Variants in FAM89A observed in about 807,000 individuals in gnomAD.
FAM89A encodes the protein protein FAM89A.
In FAM89A, 10 loss-of-function variants were observed where a neutral mutation model predicts 7.1. The observed-to-expected ratio is 1.40, with a 90% CI of 0.86 to 2.38. The LOEUF (loss-of-function observed/expected upper bound fraction) is 2.38, where lower values mean the gene tolerates loss of function less well. FAM89A is among the 30% of genes most tolerant of loss of function. The probability of loss-of-function intolerance (pLI) is 0.00; values close to 1 mark genes in which losing one functional copy is unlikely to be tolerated. For synonymous variants in FAM89A, 157 were observed against 129.3 expected (o/e 1.21, Z -1.45); for missense variants, 276 against 262.8 (o/e 1.05, Z -0.35).
chr1:231,027,609 C>A (rs1296669919), intron 1 of FAM89A, among the ~76,000 whole-genome samples: 2 of 152,186 alleles, frequency 1.3e-5, no homozygotes. Flanking sequence ...GACTTCCTAG[C>A]CCGGGCCCCT....
At chr1:231,021,832 A>G in intron 1 of FAM89A, 1 of 1,600,144 alleles carries the variant, frequency 6.2e-7, no homozygotes. Flanking sequence ...ACAAAAGAAG[A>G]AGACCAAGGA....
chr1:231,024,520 G>GCACACACACACACACACA (rs3220109), intron 1 of FAM89A, among the ~76,000 whole-genome samples: 6,949 of 144,388 alleles, frequency 0.048, 241 homozygotes, highest in East Asian at 0.082. Flanking sequence ...TACATTGCAT[G>GCACACACACACACACACA]CACACACACA....
chr1:231,040,215 G>A lies in FAM89A; in HGVS notation c.-4C>T. The A allele has an allele frequency of 9.5e-7, 1 of 1,055,392 alleles. No homozygotes were observed. The allele number at this position is 1,055,392 out of a possible 1,614,324, so 65.4% of individuals were successfully genotyped here. On this transcript the variant is annotated 5_prime_UTR_variant, in exon 1 of 2. Coordinates refer to ENST00000366654, the MANE Select transcript of FAM89A (RefSeq NM_198552.3). ...GCGCCGCCCGGGCCCCACTCATCGC[G>A]CCGCGGCCCGGCCACGCGCCTGCCC...
intron 1 of FAM89A, among the ~76,000 whole-genome samples, chr1:231,023,848 A>C (rs540915666): frequency 6.6e-6 from 1 of 152,320 alleles, no homozygotes; most frequent in Non-Finnish European, 1.5e-5. Context: ...GGAATGTCAC[A>C]ATGCCCAGAC....
At position 231,019,848 on chromosome 1, in the gene FAM89A, C is replaced by T; in HGVS notation, c.*15G>A. 2 of 1,606,204 alleles carry T rather than the reference C, an allele frequency of 1.2e-6. No homozygotes were observed. Among genetic ancestry groups the T allele is most frequent in the African/African-American group, 1.3e-5 (1 of 74,864 alleles). ...AGGAAGGGCTTCCCAACAGTCACAT[C>T]CCTCCCAAGACCCTCTAGATGGACT... On this transcript the variant is annotated 3_prime_UTR_variant, in exon 2 of 2. Coordinates refer to ENST00000366654, the MANE Select transcript of FAM89A (RefSeq NM_198552.3).
Position 231,022,100 on chromosome 1 carries a change from C to G in FAM89A, c.292-1974G>C, listed in dbSNP as rs1472051483. 8.0e-6 allele frequency: 11 copies of G among 1,381,108 alleles called. No individual in the cohort carries two copies. In the African/African-American group the frequency reaches 1.6e-4, roughly 20 times the overall value. 85.6% of individuals were successfully genotyped at this position (1,381,108 alleles called of 1,614,324 possible). ...CCATGTCTTCTGTAGCCAGTGCCTC[C>G]GTGATTCCCTGAAGAACGCTAATAC... On this transcript the variant is annotated intron_variant, in intron 1 of 1. Coordinates refer to ENST00000366654, the MANE Select transcript of FAM89A (RefSeq NM_198552.3).
intron 1 of FAM89A, among the ~76,000 whole-genome samples, 190 bp downstream of exon 1, chr1:231,039,731 G>A (rs934879370): frequency 2.0e-5 from 3 of 152,146 alleles, no homozygotes; most frequent in African/African-American, 7.2e-5. Flanking sequence ...TCCCGCGGGG[G>A]TTCCAATCGT....
At chr1:231,027,238 G>T (rs1177119640) in intron 1 of FAM89A, among the ~76,000 whole-genome samples, 2 of 152,136 alleles carry the variant, frequency 1.3e-5, no homozygotes, top group African/African-American at 2.4e-5. Context: ...GATGCACCCG[G>T]CAGGGAGTCG....
At chr1:231,021,940 C>T (rs1362947128) in intron 1 of FAM89A, 8 of 1,443,928 alleles carry the variant, frequency 5.5e-6, no homozygotes. Context: ...ATGTGACTAC[C>T]CACACTTCCA....
rs1679839279 is a variant in FAM89A at position 231,019,811 on chromosome 1, A to G, written c.*52T>C. On this transcript the variant is annotated 3_prime_UTR_variant, in exon 2 of 2. Transcript: ENST00000366654. ...TGCAAGAGAAGCAGCAAATGATGAC[A>G]GCGTGTCCAGTAGGAAGGGCTTCCC... 6.3e-7 allele frequency: 1 copy of G among 1,577,940 alleles called. No individual in the cohort carries two copies. Among genetic ancestry groups the G allele is most frequent in the Non-Finnish European group, 8.6e-7 (1 of 1,157,652 alleles).
At chr1:231,026,375 A>T (rs1039883358) in intron 1 of FAM89A, 14 of 152,270 alleles carry the variant, frequency 9.2e-5, no homozygotes, top group Non-Finnish European at 1.9e-4. Flanking sequence ...AAATAGGAAA[A>T]GACTTGGGAT....
At chr1:231,027,574 A>C (rs890980590) in intron 1 of FAM89A, among the ~76,000 whole-genome samples, 1 of 152,200 alleles carries the variant, frequency 6.6e-6, no homozygotes, top group Admixed American at 6.5e-5. Context: ...GGAGGACATA[A>C]GGTAAGTCAC....
At chr1:231,029,730 T>C (rs1283343409) in intron 1 of FAM89A, among the ~76,000 whole-genome samples, 1 of 152,248 alleles carries the variant, frequency 6.6e-6, no homozygotes, top group Non-Finnish European at 1.5e-5. Flanking sequence ...AAGTTTTCTA[T>C]TGTGAAAATG....
Position 231,019,890 on chromosome 1 carries a change from G to C in FAM89A, c.528C>G (p.Ser176Arg). ...AGATGGACTCCAGAATCCAGTCGCT[G>C]CTGGAGAGGGAGGAGACAGGCAGTG... Reference protein sequence around the residue: ...DLSLPVSSLSSSDWILESI With the variant: ...DLSLPVSSLSRSDWILESI Residue 176 changes from serine to arginine, a missense_variant, in exon 2 of 2, where the codon AGC becomes AGG. By Grantham distance (110) the Ser-to-Arg change is moderately radical. Coordinates refer to ENST00000366654, the MANE Select transcript of FAM89A (RefSeq NM_198552.3). The C allele has an allele frequency of 6.2e-7, 1 of 1,614,174 alleles. No individual in the cohort carries two copies.
intron 1 of FAM89A, among the ~76,000 whole-genome samples, chr1:231,038,644 A>G (rs1382798343): frequency 6.6e-6 from 1 of 152,248 alleles, no homozygotes; most frequent in Non-Finnish European, 1.5e-5. Flanking sequence ...AGAAGCTTAG[A>G]AAATCTTTTC....
chr1:231,030,665 G>T (rs1250517661), intron 1 of FAM89A, among the ~76,000 whole-genome samples: 1 of 152,208 alleles, frequency 6.6e-6, no homozygotes, highest in East Asian at 1.9e-4. Context: ...ATACAAACCA[G>T]TTCTCCTTAA....
In FAM89A at chr1:231,040,108, A is replaced by G; in HGVS notation, c.104T>C (p.Leu35Pro). The change falls in exon 1 of 2, where the codon CTG (leucine) becomes CCG (proline). Residue 35 changes from leucine (L) to proline (P), a missense_variant. Coordinates refer to ENST00000366654, the MANE Select transcript of FAM89A (RefSeq NM_198552.3). ...CGCGCCGCCGCCCGACGCCGAGTGC[A>G]GCAGCCCGCTCAAGCTCTTTGGCAG... ...PPLPKSLSGL[L>P]HSASGGGASG... 5.6e-6 allele frequency: 8 copies of G among 1,424,416 alleles called. No individual in the cohort carries two copies. Among genetic ancestry groups the G allele is most frequent in the Non-Finnish European group, 6.4e-6 (7 of 1,088,170 alleles). 88.2% of individuals were successfully genotyped at this position (1,424,416 alleles called of 1,614,324 possible).
chr1:231,022,943 C>T (rs1386906883), intron 1 of FAM89A, among the ~76,000 whole-genome samples: 1 of 152,138 alleles, frequency 6.6e-6, no homozygotes. Flanking sequence ...CATGCTCCAG[C>T]GTCCTTCACC....
chr1:231,031,141 T>C (rs999434803), intron 1 of FAM89A, among the ~76,000 whole-genome samples: 1 of 151,206 alleles, frequency 6.6e-6, no homozygotes, highest in African/African-American at 2.5e-5. Flanking sequence ...AATAAACCTA[T>C]TACATGCTAA....
Sources: gnomAD v4.1 joint callset for allele counts (sites outside exome capture counted in the v4.1 genomes callset) on GRCh38, gnomAD v4.1.1 for gene constraint, MANE v1.5 for transcripts, NCBI Gene and HGNC (gene_info 2026-07-23, HGNC 2026-07-21) for gene names.